Variants in MYT1L observed in about 807,000 individuals in gnomAD.
The protein encoded by MYT1L is myelin transcription factor 1 like.
A neutral mutation model predicts 126.7 loss-of-function variants in MYT1L; 12 were observed. The observed-to-expected ratio is 0.09, with a 90% confidence interval of 0.06 to 0.15. The LOEUF is 0.15. MYT1L is among the 10% of genes least tolerant of loss of function. MYT1L has a pLI of 1.00. For synonymous variants in MYT1L, 541 were observed against 604.2 expected, an observed-to-expected ratio of 0.90 and a Z score of 1.53; for missense variants, 979 against 1,585.2, an observed-to-expected ratio of 0.62 and a Z score of 6.49.
intron 1 of MYT1L, among the ~76,000 whole-genome samples, chr2:2,288,866 T>G (rs921310298): frequency 2.6e-5 from 4 of 152,200 alleles, no homozygotes; most frequent in Admixed American, 6.5e-5. Context: ...TTCAATTCAG[T>G]CTCAGGAATG....
chr2:2,308,814 T>C (rs906291436), intron 1 of MYT1L, among the ~76,000 whole-genome samples: 1 of 151,634 alleles, frequency 6.6e-6, no homozygotes, highest in Non-Finnish European at 1.5e-5. Flanking sequence ...CTTTACTATA[T>C]TCTACCTTTA....
chr2:2,158,364 T>C (rs917941204), intron 3 of MYT1L, among the ~76,000 whole-genome samples: 1 of 152,152 alleles, frequency 6.6e-6, no homozygotes, highest in Non-Finnish European at 1.5e-5. Context: ...AAACAGTGTG[T>C]TTGGCATGCA....
intron 10 of MYT1L, among the ~76,000 whole-genome samples, chr2:1,921,142 C>T (rs573833644): frequency 1.8e-4 from 28 of 152,310 alleles, no homozygotes; most frequent in African/African-American, 6.7e-4. Context: ...CTGAACCTCA[C>T]TATTGGGTTC....
intron 3 of MYT1L, among the ~76,000 whole-genome samples, chr2:2,118,988 T>A (rs1023944217): frequency 3.3e-5 from 5 of 152,262 alleles, no homozygotes; most frequent in African/African-American, 1.2e-4. Context: ...TTGCTTCCAG[T>A]TTTCCTGCCA....
At chr2:1,951,914 G>A (rs1026144287) in intron 8 of MYT1L, among the ~76,000 whole-genome samples, 3 of 152,198 alleles carry the variant, frequency 2.0e-5, no homozygotes, top group Non-Finnish European at 4.4e-5. Flanking sequence ...GTCAGAAATA[G>A]TTGAAATCAT....
intron 18 of MYT1L, 138 bp from the exon 19 acceptor site, chr2:1,851,841 C>G (rs534702542): frequency 1.2e-6 from 1 of 801,526 alleles, no homozygotes; most frequent in East Asian, 2.6e-5. Flanking sequence ...GAGCCGGAAG[C>G]TCCCTCATGG....
In MYT1L at chr2:1,888,152, G is replaced by A. The variant is rs566634310; in HGVS notation, c.2521-543C>T. The stretch of plus-strand genomic sequence containing the variant: ...CTGCAGTAACGTAGATGTTTCTACA[G>A]GTGGCAATGCTCAGCAGACACTTTC... On this transcript the variant is annotated intron_variant, in intron 16 of 24. Transcript: ENST00000647738. 3.3e-5 allele frequency among the ~76,000 whole-genome samples: 5 copies of A among 152,342 alleles called. No homozygotes were observed. In the East Asian group the frequency reaches 9.6e-4, roughly 29 times the overall value.
chr2:1,826,863 G>A (rs1475567939), intron 21 of MYT1L: 2 of 152,010 alleles, frequency 1.3e-5, no homozygotes, highest in Admixed American at 6.5e-5. Flanking sequence ...GGTGGGGGTC[G>A]GGAATGTAAT....
chr2:2,220,988 TA>T (rs1359461627), intron 2 of MYT1L, among the ~76,000 whole-genome samples: 2 of 152,172 alleles, frequency 1.3e-5, no homozygotes, highest in African/African-American at 4.8e-5. Context: ...AAAATAATGA[TA>T]AAAACAAGAA....
intron 3 of MYT1L, among the ~76,000 whole-genome samples, chr2:2,077,148 G>A (rs545754214): frequency 1.3e-3 from 196 of 152,176 alleles, no homozygotes; most frequent in Non-Finnish European, 2.0e-3. Context: ...AGAGTATTTA[G>A]TCTCAGAGAC....
intron 18 of MYT1L, among the ~76,000 whole-genome samples, chr2:1,862,585 T>C (rs1198303196): frequency 6.6e-6 from 1 of 152,212 alleles, no homozygotes; most frequent in Admixed American, 6.5e-5. Flanking sequence ...ATTGAGAAGA[T>C]TGAAGAAGAT....
chr2:1,884,469 T>A (rs1486768167), intron 18 of MYT1L, among the ~76,000 whole-genome samples: 1 of 152,170 alleles, frequency 6.6e-6, no homozygotes, highest in African/African-American at 2.4e-5. Flanking sequence ...ATCCAACAAG[T>A]AACAGATAAA....
rs79244389 is a variant in MYT1L at position 2,011,965 on chromosome 2, A to G, written c.-157-14618T>C. Among the ~76,000 whole-genome samples, 1,207 of 152,298 alleles carry G rather than the reference A, an allele frequency of 7.9e-3. 14 individuals carry two copies. The highest frequency in any genetic ancestry group is 0.028 in the African/African-American group (1,162 of 41,560). ...GCTAGACCACCAAGGGAATCAGAAC[A>G]TGCCTACGTTGCTGGTGAGAATGTC... On this transcript the variant is annotated intron_variant, in intron 4 of 24. Transcript: ENST00000647738.
rs867780773 is a variant in MYT1L at position 1,917,102 on chromosome 2, C to T, written c.1618+103G>A. 1.4e-5 allele frequency: 20 copies of T among 1,381,522 alleles called. No homozygotes were observed. The highest frequency in any genetic ancestry group is 6.5e-5 in the Admixed American group (3 of 45,842). The allele number at this position is 1,381,522 out of a possible 1,614,324, so 85.6% of individuals were successfully genotyped here. A position where few individuals can be genotyped will look rare whatever the true frequency, so the allele number is the denominator to read the frequency against. On this transcript the variant is annotated intron_variant, in intron 11 of 24. Coordinates refer to ENST00000647738, the MANE Select transcript of MYT1L (RefSeq NM_001303052.2). The surrounding 1 kb of genome is among the most constrained non-coding windows in gnomAD (Gnocchi z 5.9). ...AAGTAGGGGCCTAGTTAAATCAGGT[C>T]GCACCGAGCCGTACAATGGAGATGA...
At chr2:1,954,361 G>A (rs572221789) in intron 8 of MYT1L, among the ~76,000 whole-genome samples, 35 of 152,170 alleles carry the variant, frequency 2.3e-4, no homozygotes, top group Non-Finnish European at 4.3e-4. Flanking sequence ...GTAGAATAAC[G>A]TGTCCAGAGA....
At chr2:2,284,787 C>A (rs780494959) in intron 1 of MYT1L, among the ~76,000 whole-genome samples, 4 of 151,462 alleles carry the variant, frequency 2.6e-5, no homozygotes, top group Non-Finnish European at 4.4e-5. Flanking sequence ...CTCACTGGAG[C>A]CTGTCTCCTG....
chr2:2,261,719 A>T (rs781672583), intron 2 of MYT1L, among the ~76,000 whole-genome samples: 50 of 152,120 alleles, frequency 3.3e-4, no homozygotes, highest in Admixed American at 2.9e-3. Context: ...TCTTCAGACC[A>T]TTAAAATGTT....
intron 3 of MYT1L, among the ~76,000 whole-genome samples, chr2:2,147,534 C>A (rs2085063631): frequency 6.6e-6 from 1 of 152,210 alleles, no homozygotes; most frequent in Non-Finnish European, 1.5e-5. Context: ...GGCACGAGAA[C>A]CCACAGCTGA....
chr2:2,203,129 A>T (rs2148840029), intron 2 of MYT1L, among the ~76,000 whole-genome samples: 1 of 148,892 alleles, frequency 6.7e-6, no homozygotes, highest in East Asian at 2.0e-4. Flanking sequence ...ATCTCAAAAT[A>T]ATAAGAGCTA....
Sources: gnomAD v4.1 joint callset for allele counts (sites outside exome capture counted in the v4.1 genomes callset) on GRCh38, gnomAD v4.1.1 for gene constraint, Gnocchi (gnomAD v3.1) non-coding constraint, MANE v1.5 for transcripts, NCBI Gene and HGNC (gene_info 2026-07-23, HGNC 2026-07-21) for gene names.